The following DNMT1 variants were observed in gnomAD, a reference collection of about 807,000 sequenced individuals.
DNMT1 encodes the protein DNA (cytosine-5)-methyltransferase 1.
A neutral mutation model predicts 205.3 loss-of-function variants in DNMT1; 24 were observed. The ratio of observed to expected loss-of-function variants is 0.12; its 90% CI spans 0.08 to 0.16. The LOEUF (loss-of-function observed/expected upper bound fraction) is 0.16. Among genes scored for constraint, DNMT1 ranks in the 10% least tolerant of loss-of-function variants. The pLI is 1.00. For synonymous variants in DNMT1, 817 were observed against 839.8 expected (o/e 0.97, Z 0.47); for missense variants, 1,293 against 2,177.7 (o/e 0.59, Z 8.09).
At position 10,155,908 on chromosome 19, in the gene DNMT1, T is replaced by A; in HGVS notation, c.1437A>T (p.Glu479Asp). The A allele has an allele frequency of 1.9e-6, 3 of 1,613,788 alleles. No homozygotes were observed. Among genetic ancestry groups the A allele is most frequent in the Non-Finnish European group, 2.5e-6 (3 of 1,179,884 alleles). The change falls in exon 19 of 41, where the codon GAA becomes GAT. Residue 479 changes from glutamate (E) to aspartate (D), a missense_variant. Around this residue, in one of 13 missense-constraint regions of DNMT1, gnomAD observed 120 missense variants for 315.9 expected, o/e 0.38. Coordinates refer to ENST00000359526, the MANE Select transcript of DNMT1 (RefSeq NM_001130823.3). ...VNGKNLGPIN[E>D]WWITGFDGGE... ...CTCCATCAAAGCCAGTGATCCACCA[T>A]TCATTTATGGGGCCAAGATTTTTGC...
At chr19:10,185,201 G>A (rs1253972785) in intron 1 of DNMT1, among the ~76,000 whole-genome samples, 2 of 152,108 alleles carry the variant, frequency 1.3e-5, no homozygotes, top group Non-Finnish European at 2.9e-5. Flanking sequence ...TGAGGTGGGC[G>A]GATCATGAGG....
At chr19:10,158,872 C>T (rs754048693) in intron 17 of DNMT1, among the ~76,000 whole-genome samples, 20 of 152,216 alleles carry the variant, frequency 1.3e-4, no homozygotes, top group Middle Eastern at 3.2e-3. Context: ...GCCATCCCCT[C>T]GGCCTCTTCT....
intron 28 of DNMT1, 100 bp from the exon 29 acceptor site, chr19:10,144,087 C>A: frequency 8.3e-7 from 1 of 1,206,870 alleles, no homozygotes; most frequent in Non-Finnish European, 1.2e-6. Flanking sequence ...AGTCAAGCAC[C>A]TGATGAATTA....
At chr19:10,181,102 T>C (rs970783279) in intron 2 of DNMT1, among the ~76,000 whole-genome samples, 4 of 152,110 alleles carry the variant, frequency 2.6e-5, no homozygotes, top group Non-Finnish European at 4.4e-5. Context: ...ATGGGAAAGC[T>C]GGAGGTGAGA....
chr19:10,178,753 T>A (rs1440180730), intron 5 of DNMT1: 1 of 151,234 alleles, frequency 6.6e-6, no homozygotes, highest in South Asian at 2.1e-4. Context: ...AAAATAATAA[T>A]AAAATAAAAC....
rs2038195632 is a variant in DNMT1 at position 10,146,163 on chromosome 19, G to C, written c.2894+188C>G. Among the ~76,000 whole-genome samples the C allele has an allele frequency of 6.6e-6, 1 of 152,054 alleles. No individual in the cohort carries two copies. On this transcript the variant is annotated intron_variant, in intron 28 of 40. Coordinates refer to ENST00000359526, the MANE Select transcript of DNMT1 (RefSeq NM_001130823.3). This position sits in a 1 kb window ranked among gnomAD's most constrained non-coding sequence, Gnocchi z 4.4. ...CGAGTTGACTTTTACGCTCAGCTTT[G>C]CTCTGCAATAGCATCATGGTCAGTC...
At chr19:10,191,043 G>T (rs985689159) in intron 1 of DNMT1, among the ~76,000 whole-genome samples, 3 of 152,044 alleles carry the variant, frequency 2.0e-5, no homozygotes, top group African/African-American at 7.2e-5. Flanking sequence ...AACTCGGGAG[G>T]TGGAGGTTGC....
chr19:10,143,634 G>A, intron 29 of DNMT1, 132 bp downstream of exon 29: 1 of 1,050,246 alleles, frequency 9.5e-7, no homozygotes, highest in Non-Finnish European at 1.5e-6. Context: ...CCGATAATCA[G>A]AAACACTTGG....
rs1273958333 is a variant in DNMT1 at position 10,171,848 on chromosome 19, A to AAAT, written c.768+1241_768+1242insATT. 5.6e-5 allele frequency among the ~76,000 whole-genome samples: 8 copies of AAAT among 141,870 alleles called. No individual in the cohort carries two copies. In the South Asian group the frequency reaches 1.6e-3, roughly 28 times the overall value. 93.1% of individuals were successfully genotyped at this position (141,870 alleles called of 152,430 possible). On this transcript the variant is annotated intron_variant, in intron 9 of 40. Coordinates refer to ENST00000359526, the MANE Select transcript of DNMT1 (RefSeq NM_001130823.3). Reference sequence around the variant, plus strand: ...ATAAATAAATAAATAAATAAATAAAAACACAAAAATTAGCCAGGTGTGGTG... The same window carrying AAAT: ...ATAAATAAATAAATAAATAAATAAAAAATACACAAAAATTAGCCAGGTGTGGTG...
intron 1 of DNMT1, among the ~76,000 whole-genome samples, chr19:10,183,125 A>ATATTCGTGTGTATATATATATAT: frequency 8.5e-6 from 1 of 117,484 alleles, no homozygotes; most frequent in Non-Finnish European, 1.7e-5. Context: ...ATATATATAT[A>ATATTCGTGTGTATATATATATAT]TTTTTTTTTT....
At chr19:10,162,925 T>G in intron 12 of DNMT1, 177 bp from the exon 13 acceptor site, 2 of 622,604 alleles carry the variant, frequency 3.2e-6, no homozygotes, top group East Asian at 3.0e-5. Flanking sequence ...GGCCCCAGGG[T>G]CCCCACACAT....
At chr19:10,170,542 G>A (rs1248246828) in intron 9 of DNMT1, among the ~76,000 whole-genome samples, 1 of 152,140 alleles carries the variant, frequency 6.6e-6, no homozygotes, top group Non-Finnish European at 1.5e-5. Flanking sequence ...TACTCGGGAG[G>A]CTAAGGCAGG....
chr19:10,138,493 G>A lies in DNMT1; in HGVS notation c.4061C>T (p.Ala1354Val), dbSNP rs141791913. The change falls in exon 35 of 41, where the codon GCC (alanine) becomes GTC (valine). Residue 1354 changes from alanine (A) to valine (V), a missense_variant. Coordinates refer to ENST00000359526, the MANE Select transcript of DNMT1 (RefSeq NM_001130823.3). This position sits in a 1 kb window ranked among gnomAD's most constrained non-coding sequence, Gnocchi z 4.1. ...PEPLHVFAPR[A>V]CQLSVVVDDK... ...ATCCACCACCACGCTCAGCTGGCAG[G>A]CCCGGGGAGCAAACACGTGCAGTGG... 1.2e-6 allele frequency: 2 copies of A among 1,613,666 alleles called. No individual in the cohort carries two copies. Among genetic ancestry groups the A allele is most frequent in the African/African-American group, 2.7e-5 (2 of 74,960 alleles).
chr19:10,140,783 G>C lies in DNMT1; in HGVS notation c.3521C>G (p.Ala1174Gly). 2 of 1,614,084 alleles carry C rather than the reference G, an allele frequency of 1.2e-6. No homozygotes were observed. Among genetic ancestry groups the C allele is most frequent in the Non-Finnish European group, 1.7e-6 (2 of 1,179,966 alleles). ...CGGLSEGFHQ[A>G]GISDTLWAIE... Reference sequence around the variant, plus strand: ...AGATGGAGCCTACGGGCGCTCACCTGCTTGGTGGAATCCCTCCGACAACCC... The same window carrying C: ...AGATGGAGCCTACGGGCGCTCACCTCCTTGGTGGAATCCCTCCGACAACCC... The change falls in exon 32 of 41, where the codon GCA becomes GGA. Residue 1174 changes from alanine to glycine, a missense_variant and splice_region_variant. Ala to Gly is a moderately conservative substitution (Grantham distance 60). Transcript: ENST00000359526. This position sits in a 1 kb window ranked among gnomAD's most constrained non-coding sequence, Gnocchi z 8.4.
chr19:10,154,797 C>A lies in DNMT1; in HGVS notation c.1645-24G>T. On this transcript the variant is annotated intron_variant, in intron 20 of 40. Coordinates refer to ENST00000359526, the MANE Select transcript of DNMT1 (RefSeq NM_001130823.3). This position sits in a 1 kb window ranked among gnomAD's most constrained non-coding sequence, Gnocchi z 6.3. ...GTCTTGAAAGAGAACAGGTTTCTCTCATGCTTAAGCCAAACTGGCCTAAAT... is the reference window on the plus strand; with the variant it reads ...GTCTTGAAAGAGAACAGGTTTCTCTAATGCTTAAGCCAAACTGGCCTAAAT... 6.2e-7 allele frequency: 1 copy of A among 1,614,214 alleles called. No homozygotes were observed. The highest frequency in any genetic ancestry group is 1.1e-5 in the South Asian group (1 of 91,072).
chr19:10,134,024 C>T (rs546843294), intron 40 of DNMT1, among the ~76,000 whole-genome samples, 193 bp downstream of exon 40: 1 of 152,356 alleles, frequency 6.6e-6, no homozygotes, highest in East Asian at 1.9e-4. Flanking sequence ...GTGTGCAGCA[C>T]GCCTGCTCTA....
At position 10,137,509 on chromosome 19, in the gene DNMT1, G is replaced by T; in HGVS notation, c.4294-229C>A. 1 of 646,220 alleles carries T rather than the reference G, an allele frequency of 1.5e-6. No individual in the cohort carries two copies. The allele number at this position is 646,220 out of a possible 1,614,324, so 40.0% of individuals were successfully genotyped here. Reference sequence around the variant, plus strand: ...ATCTAAGCTGAGCCTTTAGGGTGGGGGAAGGGGAGTGGTGCCAGGGGATGG... The same window carrying T: ...ATCTAAGCTGAGCCTTTAGGGTGGGTGAAGGGGAGTGGTGCCAGGGGATGG... On this transcript the variant is annotated intron_variant, in intron 36 of 40. Transcript: ENST00000359526. The surrounding 1 kb of genome is among the most constrained non-coding windows in gnomAD (Gnocchi z 6.4).
chr19:10,138,695 T>C lies in DNMT1; in HGVS notation c.3949-90A>G, dbSNP rs1253639669. The C allele has an allele frequency of 1.3e-6, 2 of 1,506,646 alleles. No individual in the cohort carries two copies. The highest frequency in any genetic ancestry group is 1.8e-6 in the Non-Finnish European group (2 of 1,124,942). 93.3% of individuals were successfully genotyped at this position (1,506,646 alleles called of 1,614,324 possible). A position where few individuals can be genotyped will look rare whatever the true frequency, so the allele number is the denominator to read the frequency against. On this transcript the variant is annotated intron_variant, in intron 34 of 40. Coordinates refer to ENST00000359526, the MANE Select transcript of DNMT1 (RefSeq NM_001130823.3). This position sits in a 1 kb window ranked among gnomAD's most constrained non-coding sequence, Gnocchi z 4.1. The stretch of plus-strand genomic sequence containing the variant: ...CCAGGCCCAGGGTCAGCAGCCTGAG[T>C]CGGGAGTGGCTGGCCAATGCGGAGT...
Position 10,137,668 on chromosome 19 carries a change from T to G in DNMT1, c.4293+164A>C. 2.0e-6 allele frequency: 2 copies of G among 1,024,476 alleles called. No individual in the cohort carries two copies. Among genetic ancestry groups the G allele is most frequent in the South Asian group, 2.9e-5 (2 of 69,124 alleles). 63.5% of individuals were successfully genotyped at this position (1,024,476 alleles called of 1,614,324 possible). On this transcript the variant is annotated intron_variant, in intron 36 of 40. Coordinates refer to ENST00000359526, the MANE Select transcript of DNMT1 (RefSeq NM_001130823.3). This position sits in a 1 kb window ranked among gnomAD's most constrained non-coding sequence, Gnocchi z 6.4. ...ACTGCGGGAGCTCTGACACTTCCCA[T>G]GACCATGCAAGAGAGACCAGGGGTC...
Sources: allele counts gnomAD v4.1 joint callset (sites outside exome capture counted in the v4.1 genomes callset), GRCh38; gene constraint gnomAD v4.1.1; regional missense constraint gnomAD v4.1.1; non-coding constraint Gnocchi (gnomAD v3.1); transcripts MANE v1.5; gene names NCBI Gene and HGNC (gene_info 2026-07-23, HGNC 2026-07-21).